The following TTC3 variants were observed in gnomAD, a reference collection of about 807,000 sequenced individuals.
The protein encoded by TTC3 is tetratricopeptide repeat domain 3.
A neutral mutation model predicts 249.6 loss-of-function variants in TTC3; 180 were observed. The observed-to-expected ratio is 0.72, with a 90% CI of 0.64 to 0.82. TTC3 has a LOEUF of 0.82. Ranked by LOEUF, TTC3 falls within the 40% of genes least tolerant of loss-of-function variation. The pLI is 0.00. For synonymous variants in TTC3, 717 were observed against 805.0 expected, an observed-to-expected ratio of 0.89 and a Z score of 1.85; for missense variants, 2,061 against 2,398.4, an observed-to-expected ratio of 0.86 and a Z score of 2.94.
At chr21:37,116,457 G>T (rs1284976891) in intron 11 of TTC3, among the ~76,000 whole-genome samples, 1 of 151,882 alleles carries the variant, frequency 6.6e-6, no homozygotes, top group Non-Finnish European at 1.5e-5. Flanking sequence ...GTTAATTCTG[G>T]GTATCTGTGT....
chr21:37,116,620 G>A (rs897480807), intron 11 of TTC3, among the ~76,000 whole-genome samples: 4 of 116,420 alleles, frequency 3.4e-5, no homozygotes, highest in African/African-American at 1.1e-4. Context: ...GACCAGCCTG[G>A]CCAACATGTG....
At chr21:37,107,821 C>A (rs1049926069) in intron 10 of TTC3, 1 of 152,514 alleles carries the variant, frequency 6.6e-6, no homozygotes, top group African/African-American at 2.4e-5. Context: ...CATGGTGGCT[C>A]ACACCTGTAA....
chr21:37,160,079 A>T (rs1394725829), intron 29 of TTC3, among the ~76,000 whole-genome samples: 2 of 152,198 alleles, frequency 1.3e-5, no homozygotes, highest in African/African-American at 4.8e-5. Flanking sequence ...TAAACTTCTA[A>T]TGTTCTGCTC....
chr21:37,092,499 T>C (rs1032115041), intron 7 of TTC3, among the ~76,000 whole-genome samples: 3 of 152,230 alleles, frequency 2.0e-5, no homozygotes, highest in Non-Finnish European at 2.9e-5. Context: ...ATTTTCTTTA[T>C]AATAGCTCTG....
At position 37,196,043 on chromosome 21, in the gene TTC3, A is replaced by C. The variant is rs758494837; in HGVS notation, c.5579+7A>C. 84 of 1,613,532 alleles carry C rather than the reference A, an allele frequency of 5.2e-5. No individual in the cohort carries two copies. Among genetic ancestry groups the C allele is most frequent in the Non-Finnish European group, 6.9e-5 (81 of 1,179,718 alleles). ...TATTCCCATGTTACAACAGGTATGA[A>C]CAGAAAATGTCTGTGACTGTGTTTA... is the stretch of plus-strand genomic sequence containing the variant. On this transcript the variant is annotated splice_region_variant and intron_variant, in intron 42 of 45. Transcript: ENST00000355666.
chr21:37,112,140 G>C (rs9680195), intron 11 of TTC3, among the ~76,000 whole-genome samples: 5,684 of 152,124 alleles, frequency 0.037, 321 homozygotes, highest in African/African-American at 0.13. Context: ...AAGAACTAGA[G>C]AAGCAAGAGC....
chr21:37,150,904 A>T lies in TTC3; in HGVS notation c.2276+20A>T, dbSNP rs779286362. On this transcript the variant is annotated intron_variant, in intron 25 of 45. Coordinates refer to ENST00000355666, the Ensembl canonical transcript of TTC3. ...TTCTAGGTAAGATTTTTAACAATCA[A>T]TCAGTGGTTTGATGATGTCTCTTAG... 1 of 1,548,256 alleles carries T rather than the reference A, an allele frequency of 6.5e-7. No individual in the cohort carries two copies. Among genetic ancestry groups the T allele is most frequent in the Non-Finnish European group, 8.9e-7 (1 of 1,125,702 alleles).
intron 36 of TTC3, among the ~76,000 whole-genome samples, chr21:37,183,625 C>T (rs938287734): frequency 3.3e-5 from 5 of 152,228 alleles, no homozygotes; most frequent in Non-Finnish European, 7.4e-5. Flanking sequence ...CTGAATTTAG[C>T]TGGGTGATGA....
At chr21:37,162,087 G>C in intron 31 of TTC3, 24 bp downstream of exon 31, 1 of 1,455,948 alleles carries the variant, frequency 6.9e-7, no homozygotes, top group Non-Finnish European at 9.3e-7. Flanking sequence ...TTAAATTTTT[G>C]CTTCATTTTA....
rs190524961 is a variant in TTC3, at chr21:37,191,441, T to C, written c.5115+17T>C. 2,189 of 1,490,188 alleles carry C rather than the reference T, an allele frequency of 1.5e-3. 3 individuals are homozygous for C. Among genetic ancestry groups the C allele is most frequent in the Non-Finnish European group, 1.5e-3 (1,636 of 1,099,948 alleles). 92.3% of individuals were successfully genotyped at this position (1,490,188 alleles called of 1,614,324 possible). Reference sequence around the variant, plus strand: ...AAAGCAAAGGTAAGTTGTAAACATCTTTTAATCCCATCAAAATCTTTATGA... The same window carrying C: ...AAAGCAAAGGTAAGTTGTAAACATCCTTTAATCCCATCAAAATCTTTATGA... On this transcript the variant is annotated intron_variant, in intron 40 of 45. Transcript: ENST00000355666.
At chr21:37,092,466 T>G (rs1318003892) in intron 7 of TTC3, among the ~76,000 whole-genome samples, 1 of 152,232 alleles carries the variant, frequency 6.6e-6, no homozygotes, top group Admixed American at 6.5e-5. Flanking sequence ...CTCTTTAGGC[T>G]TATAGCTGAT....
At chr21:37,082,568 C>A (rs1341508973) in intron 1 of TTC3, 4 of 985,196 alleles carry the variant, frequency 4.1e-6, no homozygotes, top group African/African-American at 1.7e-5. Context: ...GTGTCCTGAT[C>A]CTATTACTGC....
At chr21:37,105,066 G>T (rs2074942839) in intron 10 of TTC3, among the ~76,000 whole-genome samples, 1 of 152,216 alleles carries the variant, frequency 6.6e-6, no homozygotes, top group Non-Finnish European at 1.5e-5. Flanking sequence ...ACTAAGTGTG[G>T]TGTCATAGAA....
At position 37,130,395 on chromosome 21, in the gene TTC3, A is replaced by T. The variant is rs539653340; in HGVS notation, c.1358+1332A>T. ...GTTGTAATTTTAACCTGTTTTATTT[A>T]AAAAAAATTTATTTTTCTGATATTT... On this transcript the variant is annotated intron_variant, in intron 16 of 45. Transcript: ENST00000355666. Among the ~76,000 whole-genome samples the T allele has an allele frequency of 1.7e-3, 253 of 152,186 alleles. 2 individuals are homozygous for T. Among genetic ancestry groups the T allele is most frequent in the African/African-American group, 5.4e-3 (225 of 41,526 alleles).
chr21:37,089,578 A>G (rs142104356), intron 5 of TTC3, among the ~76,000 whole-genome samples: 87 of 152,180 alleles, frequency 5.7e-4, no homozygotes, highest in African/African-American at 2.0e-3. Context: ...CAGTGACGAG[A>G]TCTTGGCTCA....
chr21:37,082,714 G>GT (rs892460881), intron 1 of TTC3: 2,581 of 754,072 alleles, frequency 3.4e-3, no homozygotes, highest in Middle Eastern at 7.2e-3. Flanking sequence ...TCCAAAAAGT[G>GT]TTTTTTTTTT....
chr21:37,112,118 C>A (rs1335987526), intron 11 of TTC3, among the ~76,000 whole-genome samples: 1 of 152,042 alleles, frequency 6.6e-6, no homozygotes, highest in African/African-American at 2.4e-5. Flanking sequence ...AATTGACACC[C>A]TAACATCACA....
intron 45 of TTC3, among the ~76,000 whole-genome samples, chr21:37,201,122 T>G (rs1179305428): frequency 6.6e-6 from 1 of 152,156 alleles, no homozygotes; most frequent in African/African-American, 2.4e-5. Context: ...GGGCCGAGAA[T>G]GCCAGGCTCT....
At chr21:37,138,394 C>T (rs1317394122) in intron 18 of TTC3, among the ~76,000 whole-genome samples, 1 of 152,128 alleles carries the variant, frequency 6.6e-6, no homozygotes, top group Non-Finnish European at 1.5e-5. Context: ...TGAATCATGC[C>T]TCAAGGAACT....
Sources: allele counts gnomAD v4.1 joint callset (sites outside exome capture counted in the v4.1 genomes callset), GRCh38; gene constraint gnomAD v4.1.1; transcripts MANE v1.5; gene names NCBI Gene and HGNC (gene_info 2026-07-23, HGNC 2026-07-21).